Variants in CDH10 observed in about 807,000 individuals in gnomAD.
CDH10 encodes cadherin 10.
CDH10 carries 30 observed loss-of-function variants against 73.1 expected under a neutral mutation model. The observed-to-expected ratio is 0.41, with a 90% CI of 0.31 to 0.56. CDH10 has a LOEUF of 0.56. CDH10 is among the 20% of genes least tolerant of loss of function. CDH10 has a pLI of 0.27. For synonymous variants in CDH10, 345 were observed against 348.2 expected, an observed-to-expected ratio of 0.99 and a Z score of 0.10; for missense variants, 815 against 973.7, an observed-to-expected ratio of 0.84 and a Z score of 2.17.
chr5:24,506,496 T>C (rs1742703876), intron 7 of CDH10, among the ~76,000 whole-genome samples: 1 of 152,198 alleles, frequency 6.6e-6, no homozygotes, highest in African/African-American at 2.4e-5. Flanking sequence ...TCTCCTTCAC[T>C]CATAAAGCAG....
At chr5:24,491,379 C>A in intron 11 of CDH10, among the ~76,000 whole-genome samples, 197 bp downstream of exon 11, 1 of 43,874 alleles carries the variant, frequency 2.3e-5, no homozygotes, top group South Asian at 5.4e-4. Context: ...TCCACTATTA[C>A]TACAACAAAA....
At chr5:24,572,586 T>C (rs1745425445) in intron 2 of CDH10, among the ~76,000 whole-genome samples, 1 of 151,998 alleles carries the variant, frequency 6.6e-6, no homozygotes, top group East Asian at 1.9e-4. Flanking sequence ...AGAAAGGTTA[T>C]ATTGGCTGAT....
At chr5:24,521,002 G>A (rs1268991345) in intron 5 of CDH10, among the ~76,000 whole-genome samples, 1 of 151,936 alleles carries the variant, frequency 6.6e-6, no homozygotes, top group Non-Finnish European at 1.5e-5. Context: ...CACCGTGCCC[G>A]GCCACAAATA....
At chr5:24,579,621 A>G (rs1579836547) in intron 2 of CDH10, among the ~76,000 whole-genome samples, 1 of 152,030 alleles carries the variant, frequency 6.6e-6, no homozygotes, top group East Asian at 1.9e-4. Flanking sequence ...GTCAATTCAA[A>G]CCTCTCCTCA....
intron 5 of CDH10, among the ~76,000 whole-genome samples, chr5:24,526,398 G>A (rs553378445): frequency 6.6e-6 from 1 of 151,776 alleles, no homozygotes; most frequent in Non-Finnish European, 1.5e-5. Flanking sequence ...TAAACATTTA[G>A]CCTAGCTGAT....
intron 2 of CDH10, among the ~76,000 whole-genome samples, chr5:24,571,897 G>A (rs1745395770): frequency 6.6e-6 from 1 of 151,542 alleles, no homozygotes; most frequent in Admixed American, 6.6e-5. Context: ...ATAGGCTCTT[G>A]CAAGTAAGCA....
chr5:24,577,596 T>G (rs1745650792), intron 2 of CDH10, among the ~76,000 whole-genome samples: 1 of 131,734 alleles, frequency 7.6e-6, no homozygotes, highest in African/African-American at 2.4e-5. Context: ...ATATAGAATT[T>G]ATAAGTCAAA....
Position 24,487,924 on chromosome 5 carries a change from A to G in CDH10, c.2106T>C (p.Pro702=), listed in dbSNP as rs753973333. The G allele has an allele frequency of 1.2e-6, 2 of 1,613,976 alleles. No homozygotes were observed. The highest frequency in any genetic ancestry group is 1.7e-6 in the Non-Finnish European group (2 of 1,179,966). Residue 702 remains proline (P), a synonymous_variant, in exon 12 of 12, where the codon CCT becomes CCC. Coordinates refer to ENST00000264463, the MANE Select transcript of CDH10 (RefSeq NM_006727.5). ...GGACGTCCGTGTTATCTGGAGCTGT[A>G]GGAGTCCTCCGAGGAATAAATAACG... ...PETLFIPRRT[P]TAPDNTDVRD...
chr5:24,628,558 C>T (rs1273682327), intron 1 of CDH10, among the ~76,000 whole-genome samples: 1 of 152,070 alleles, frequency 6.6e-6, no homozygotes, highest in Admixed American at 6.6e-5. Flanking sequence ...ACACCAACAG[C>T]CATGCATGTA....
intron 5 of CDH10, among the ~76,000 whole-genome samples, chr5:24,520,871 C>T (rs902338233): frequency 2.7e-5 from 4 of 150,398 alleles, no homozygotes; most frequent in African/African-American, 9.8e-5. Context: ...GGATTACAGG[C>T]ATGTGCCACT....
At chr5:24,498,867 T>C (rs547561884) in intron 8 of CDH10, among the ~76,000 whole-genome samples, 1 of 152,300 alleles carries the variant, frequency 6.6e-6, no homozygotes, top group African/African-American at 2.4e-5. Flanking sequence ...TATAATTATA[T>C]CATTTAATTT....
intron 1 of CDH10, among the ~76,000 whole-genome samples, chr5:24,604,293 G>A (rs1746675219): frequency 6.6e-6 from 1 of 152,120 alleles, no homozygotes; most frequent in Admixed American, 6.5e-5. Flanking sequence ...ACTGCAGTGA[G>A]CTATAATCAT....
At chr5:24,642,279 C>T (rs1748079741) in intron 1 of CDH10, among the ~76,000 whole-genome samples, 1 of 152,004 alleles carries the variant, frequency 6.6e-6, no homozygotes, top group Non-Finnish European at 1.5e-5. Flanking sequence ...TCACTTACTG[C>T]AAAGTAGGTT....
intron 5 of CDH10, among the ~76,000 whole-genome samples, chr5:24,513,770 C>G (rs1000891371): frequency 6.6e-6 from 1 of 152,114 alleles, no homozygotes; most frequent in Admixed American, 6.6e-5. Context: ...CTTATTGGTT[C>G]TCTTTGCCTT....
intron 2 of CDH10, among the ~76,000 whole-genome samples, chr5:24,549,387 G>T (rs940644003): frequency 6.6e-6 from 1 of 151,846 alleles, no homozygotes; most frequent in South Asian, 2.1e-4. Flanking sequence ...TAAATGAGAA[G>T]AAAATCACAC....
intron 2 of CDH10, among the ~76,000 whole-genome samples, chr5:24,555,028 A>G (rs190510623): frequency 3.1e-4 from 47 of 151,982 alleles, no homozygotes; most frequent in Non-Finnish European, 5.4e-4. Flanking sequence ...TTCTTTGATT[A>G]TTTATTTTTG....
intron 1 of CDH10, among the ~76,000 whole-genome samples, chr5:24,641,439 A>C (rs2112221972): frequency 6.6e-6 from 1 of 152,208 alleles, no homozygotes; most frequent in Admixed American, 6.6e-5. Flanking sequence ...GGTTTCAACT[A>C]GAAAGGAAAA....
At chr5:24,580,028 G>A (rs1450965743) in intron 2 of CDH10, among the ~76,000 whole-genome samples, 3 of 151,984 alleles carry the variant, frequency 2.0e-5, no homozygotes, top group Non-Finnish European at 4.4e-5. Flanking sequence ...AGTTGCTAAG[G>A]CCAAAATCTT....
chr5:24,520,861 G>T (rs552174933), intron 5 of CDH10, among the ~76,000 whole-genome samples: 1 of 151,720 alleles, frequency 6.6e-6, no homozygotes, highest in African/African-American at 2.4e-5. Flanking sequence ...CAAATAGCTG[G>T]GATTACAGGC....
Sources: allele counts gnomAD v4.1 joint callset (sites outside exome capture counted in the v4.1 genomes callset), GRCh38; gene constraint gnomAD v4.1.1; transcripts MANE v1.5; gene names NCBI Gene and HGNC (gene_info 2026-07-23, HGNC 2026-07-21).